The following POTEF variants were observed in gnomAD, a reference collection of about 807,000 sequenced individuals.
POTEF encodes the protein ANKRD26-like family C member 1B.
POTEF carries 20 observed loss-of-function variants against 83.2 expected under a neutral mutation model. That is an observed-to-expected ratio of 0.24 (90% CI 0.17 to 0.35). The LOEUF (loss-of-function observed/expected upper bound fraction) is 0.35, where lower values mean the gene tolerates loss of function less well. POTEF is among the 10% of genes least tolerant of loss of function. The pLI is 1.00. For missense variants in POTEF, 550 were observed against 1,203.2 expected (o/e 0.46, Z 8.03); for synonymous variants, 196 against 446.4 (o/e 0.44, Z 7.07).
At chr2:130,127,365 A>C in intron 2 of POTEF, among the ~76,000 whole-genome samples, 1 of 138,472 alleles carries the variant, frequency 7.2e-6, no homozygotes. Flanking sequence ...ACACACACAC[A>C]CACACAGTCA....
chr2:130,075,356 C>T lies in POTEF; in HGVS notation c.2116G>A (p.Ala706Thr), dbSNP rs373944612. The T allele has an allele frequency of 7.3e-5, 117 of 1,612,108 alleles. No homozygotes were observed. Among genetic ancestry groups the T allele is most frequent in the South Asian group, 4.9e-4 (45 of 91,010 alleles). Residue 706 changes from alanine to threonine, a missense_variant, in exon 17 of 17, where the codon GCT becomes ACT. Physicochemically the swap from Ala to Thr is moderately conservative, Grantham distance 58. Coordinates refer to ENST00000409914, the MANE Select transcript of POTEF (RefSeq NM_001099771.2). ...LNELTMDDDT[A>T]VLVIDNGSGM... ...GAGCCGTTGTCAATGACGAGCACAG[C>T]GGTATCATCATCCATGGTGAGCTCA...
rs562447903 is a variant in POTEF at position 130,075,204 on chromosome 2, C to G, written c.2268G>C (p.Lys756Asn). 6.2e-7 allele frequency: 1 copy of G among 1,612,752 alleles called. No individual in the cohort carries two copies. The highest frequency in any genetic ancestry group is 2.2e-5 in the East Asian group (1 of 44,786). Residue 756 changes from lysine (K) to asparagine (N), a missense_variant, in exon 17 of 17, where the codon AAG (lysine) becomes AAC (asparagine). Lys to Asn is a moderately conservative substitution (Grantham distance 94). Transcript: ENST00000409914. Reference sequence around the variant, plus strand: ...GGATGCCTCTTTTGCTCTGGGCCTCCTTGCCCACATAGGACTCTTTCTGAT... The same window carrying G: ...GGATGCCTCTTTTGCTCTGGGCCTCGTTGCCCACATAGGACTCTTTCTGAT... ...GMHQKESYVGKEAQSKRGILT... is the reference protein window; with the variant it reads ...GMHQKESYVGNEAQSKRGILT...
intron 8 of POTEF, among the ~76,000 whole-genome samples, chr2:130,105,419 G>A (rs1191812730): frequency 6.6e-6 from 1 of 151,628 alleles, no homozygotes; most frequent in Non-Finnish European, 1.5e-5. Context: ...GTATGACAAG[G>A]AAACTATAGC....
chr2:130,080,281 TTCAG>T (rs1011383580), intron 15 of POTEF, among the ~76,000 whole-genome samples: 8 of 115,348 alleles, frequency 6.9e-5, no homozygotes, highest in African/African-American at 2.4e-4. Flanking sequence ...TTTTAACCTA[TTCAG>T]TCAAAATATA....
At chr2:130,123,481 T>A (rs1038209708) in intron 2 of POTEF, among the ~76,000 whole-genome samples, 9 of 152,040 alleles carry the variant, frequency 5.9e-5, no homozygotes, top group Admixed American at 5.2e-4. Context: ...ACACAGTTAA[T>A]CCAGAATACT....
chr2:130,103,102 C>CTTTTTT (rs60152509), intron 8 of POTEF, among the ~76,000 whole-genome samples: 1 of 126,454 alleles, frequency 7.9e-6, no homozygotes, highest in African/African-American at 3.4e-5. Flanking sequence ...TTCTTTCTTT[C>CTTTTTT]TTTTTTTTTT....
intron 2 of POTEF, among the ~76,000 whole-genome samples, 200 bp downstream of exon 2, chr2:130,127,509 C>T (rs960343830): frequency 2.6e-5 from 4 of 150,990 alleles, no homozygotes; most frequent in Admixed American, 1.3e-4. Context: ...GCCACCGAGG[C>T]CCATGGTACA....
intron 7 of POTEF, chr2:130,109,226 A>G (rs1287284655): frequency 6.7e-6 from 1 of 149,624 alleles, no homozygotes; most frequent in Non-Finnish European, 1.5e-5. Context: ...TGCTTCAAAG[A>G]TCTGTCCTGC....
intron 7 of POTEF, chr2:130,109,180 T>A (rs1343066662): frequency 6.6e-6 from 1 of 151,144 alleles, no homozygotes; most frequent in East Asian, 1.9e-4. Context: ...GCAAAAATAG[T>A]CAAATGACCT....
intron 11 of POTEF, among the ~76,000 whole-genome samples, chr2:130,097,810 CTG>C (rs1684283939): frequency 6.8e-6 from 1 of 146,982 alleles, no homozygotes; most frequent in African/African-American, 2.5e-5. Flanking sequence ...TATGAAGTCA[CTG>C]TGGAAAAATA....
At chr2:130,128,782 T>C (rs1685165685) in intron 1 of POTEF, among the ~76,000 whole-genome samples, 5 of 120,656 alleles carry the variant, frequency 4.1e-5, no homozygotes, top group Admixed American at 1.7e-4. Context: ...CCAAAACCAC[T>C]CCCTGCCCCG....
In POTEF at chr2:130,128,763, A is replaced by G. The variant is rs1423647284; in HGVS notation, c.-250+309T>C. 6.1e-5 allele frequency among the ~76,000 whole-genome samples: 8 copies of G among 131,964 alleles called. No individual in the cohort carries two copies. The South Asian group carries it at 1.0e-3, about 17-fold the overall frequency. The allele number at this position is 131,964 out of a possible 152,430, so 86.6% of individuals were successfully genotyped here. ...CCCCCGCTGCCAGCATTGTAGCTCC[A>G]AATAACCACCAAAACCACTCCCTGC... On this transcript the variant is annotated intron_variant, in intron 1 of 16. Transcript: ENST00000409914.
chr2:130,103,249 T>G (rs1684423015), intron 8 of POTEF, among the ~76,000 whole-genome samples: 1 of 149,822 alleles, frequency 6.7e-6, no homozygotes, highest in African/African-American at 2.5e-5. Context: ...ATTACAGGCA[T>G]GTACCATCAT....
intron 7 of POTEF, among the ~76,000 whole-genome samples, chr2:130,110,120 G>C (rs3958683): frequency 7.3e-5 from 11 of 151,300 alleles, no homozygotes; most frequent in East Asian, 1.9e-4. Context: ...CTTGGATTTA[G>C]TGAACTCCTT....
chr2:130,107,935 T>C (rs1684588543), intron 8 of POTEF, 74 bp downstream of exon 8: 15 of 1,598,286 alleles, frequency 9.4e-6, no homozygotes, highest in Non-Finnish European at 1.2e-5. Flanking sequence ...AAAATTGTCT[T>C]CCACAAAACC....
Position 130,119,917 on chromosome 2 carries a change from C to T in POTEF, c.521+78G>A, listed in dbSNP as rs1684953179. 3.6e-6 allele frequency: 5 copies of T among 1,383,394 alleles called. No homozygotes were observed. In the South Asian group the frequency reaches 6.6e-5, roughly 18 times the overall value. The allele number at this position is 1,383,394 out of a possible 1,614,324, so 85.7% of individuals were successfully genotyped here. A position where few individuals can be genotyped will look rare whatever the true frequency, so the allele number is the denominator to read the frequency against. On this transcript the variant is annotated intron_variant, in intron 3 of 16. Coordinates refer to ENST00000409914, the MANE Select transcript of POTEF (RefSeq NM_001099771.2). ...GCCTGCGGAGGCGAGAAAGCCAGGT[C>T]CCCCTCCTCCCCCGCCAGGAGGGTA...
intron 3 of POTEF, among the ~76,000 whole-genome samples, chr2:130,117,770 G>A (rs181217973): frequency 1.5e-3 from 234 of 152,048 alleles, no homozygotes; most frequent in Non-Finnish European, 2.3e-3. Flanking sequence ...AGATATTTCA[G>A]TATAATGGAA....
At chr2:130,104,014 T>C (rs879949619) in intron 8 of POTEF, among the ~76,000 whole-genome samples, 10 of 143,898 alleles carry the variant, frequency 6.9e-5, no homozygotes, top group African/African-American at 1.1e-4. Flanking sequence ...GAGTGGTCCC[T>C]GATCCTATCT....
chr2:130,096,931 A>T (rs2104795537), intron 11 of POTEF, among the ~76,000 whole-genome samples: 1 of 144,144 alleles, frequency 6.9e-6, no homozygotes, highest in Middle Eastern at 3.5e-3. Flanking sequence ...GACAGAGTCA[A>T]ACTCCGTCTC....
Sources: allele counts gnomAD v4.1 joint callset (sites outside exome capture counted in the v4.1 genomes callset), GRCh38; gene constraint gnomAD v4.1.1; transcripts MANE v1.5; gene names NCBI Gene and HGNC (gene_info 2026-07-23, HGNC 2026-07-21).